PRKN: variants seen among roughly 807,000 people sequenced by gnomAD.
PRKN encodes the protein parkin RBR E3 ubiquitin protein ligase.
PRKN carries 56 observed loss-of-function variants against 59.5 expected under a neutral mutation model. The ratio of observed to expected loss-of-function variants is 0.94; its 90% CI spans 0.76 to 1.18. PRKN has a LOEUF of 1.18. Ranked by LOEUF, PRKN falls within the 50% of genes most tolerant of loss-of-function variation. The pLI is 0.00. For synonymous variants in PRKN, 250 were observed against 222.1 expected (o/e 1.13, Z -1.12); for missense variants, 657 against 596.4 (o/e 1.10, Z -1.06).
rs1780448306 is a variant in PRKN at position 162,111,713 on chromosome 6, A to G, written c.535-57539T>C. On this transcript the variant is annotated intron_variant, in intron 4 of 11. Coordinates refer to ENST00000366898, the MANE Select transcript of PRKN (RefSeq NM_004562.3). The stretch of plus-strand genomic sequence containing the variant: ...TTCTACAGTCTCACAATTAAAAAAA[A>G]AAAGGTGGAGAAAAATTTTCCTGGA... Among the ~76,000 whole-genome samples the G allele has an allele frequency of 3.3e-5, 5 of 152,042 alleles. No homozygotes were observed. The South Asian group carries it at 6.2e-4, about 19-fold the overall frequency.
At chr6:161,542,133 T>C (rs1779637194) in intron 9 of PRKN, among the ~76,000 whole-genome samples, 1 of 152,244 alleles carries the variant, frequency 6.6e-6, no homozygotes, top group Non-Finnish European at 1.5e-5. Context: ...AAATACATTT[T>C]CTCTTCCTTA....
At chr6:161,425,068 T>A (rs1050545419) in intron 9 of PRKN, among the ~76,000 whole-genome samples, 1 of 151,686 alleles carries the variant, frequency 6.6e-6, no homozygotes, top group African/African-American at 2.4e-5. Flanking sequence ...GAGAACCCAA[T>A]GTTTATTGAG....
intron 1 of PRKN, among the ~76,000 whole-genome samples, chr6:162,585,826 T>C (rs1317167256): frequency 4.6e-5 from 7 of 151,946 alleles, no homozygotes; most frequent in Non-Finnish European, 8.8e-5. Context: ...CTCAGCCTCC[T>C]GAATAGCTGG....
chr6:162,438,042 A>G (rs939485945), intron 2 of PRKN, among the ~76,000 whole-genome samples: 5 of 152,186 alleles, frequency 3.3e-5, no homozygotes, highest in African/African-American at 1.2e-4. Flanking sequence ...TATTCCCAGT[A>G]GCAATTTGCG....
At chr6:161,853,091 T>TA (rs1375328930) in intron 6 of PRKN, among the ~76,000 whole-genome samples, 1 of 152,204 alleles carries the variant, frequency 6.6e-6, no homozygotes, top group Non-Finnish European at 1.5e-5. Context: ...AAAATCACTT[T>TA]ATTATATTGC....
chr6:161,696,798 C>T (rs991056337), intron 7 of PRKN, among the ~76,000 whole-genome samples: 2 of 152,164 alleles, frequency 1.3e-5, no homozygotes, highest in Non-Finnish European at 2.9e-5. Flanking sequence ...CACACAAATG[C>T]ACTACTACTT....
In PRKN at chr6:161,601,683, C is replaced by T. The variant is rs192104600; in HGVS notation, c.872-32267G>A. On this transcript the variant is annotated intron_variant, in intron 7 of 11. Coordinates refer to ENST00000366898, the MANE Select transcript of PRKN (RefSeq NM_004562.3). ...CTGCAAGCTCCGCCTCCCAGGTTCA[C>T]GCCATTCTCCTGCCTCAGCCTCCCG... 6.2e-3 allele frequency among the ~76,000 whole-genome samples: 941 copies of T among 151,206 alleles called. 12 individuals are homozygous for T. Among genetic ancestry groups the T allele is most frequent in the African/African-American group, 0.022 (898 of 41,200 alleles).
chr6:162,291,220 A>C (rs1482411401), intron 2 of PRKN, among the ~76,000 whole-genome samples: 1 of 152,114 alleles, frequency 6.6e-6, no homozygotes, highest in Non-Finnish European at 1.5e-5. Context: ...TGGACACTAA[A>C]ATGCAGCTGG....
intron 6 of PRKN, among the ~76,000 whole-genome samples, chr6:161,789,688 A>G (rs979278957): frequency 1.3e-5 from 2 of 152,192 alleles, no homozygotes; most frequent in African/African-American, 4.8e-5. Context: ...AAAGTGTTTC[A>G]TATACTCCTT....
At chr6:161,481,498 G>A (rs1013483478) in intron 9 of PRKN, among the ~76,000 whole-genome samples, 6 of 152,064 alleles carry the variant, frequency 3.9e-5, no homozygotes, top group Non-Finnish European at 7.4e-5. Flanking sequence ...CAGCTACTCC[G>A]GAGGCTGAGG....
In PRKN at chr6:162,284,215, CTTTTT is replaced by C. The variant is rs35609309; in HGVS notation, c.172-21455_172-21451del. ...TATTTATGTATTGTGTTATTTCTTTCTTTTTTTTTTTTTTTTTTTTTTTTTTGAGA... is the reference window on the plus strand; with the variant it reads ...TATTTATGTATTGTGTTATTTCTTTCTTTTTTTTTTTTTTTTTTTTTGAGA... On this transcript the variant is annotated intron_variant, in intron 2 of 11. Coordinates refer to ENST00000366898, the MANE Select transcript of PRKN (RefSeq NM_004562.3). 7.4e-4 allele frequency among the ~76,000 whole-genome samples: 56 copies of C among 75,670 alleles called. 1 individual carries two copies. The South Asian group carries it at 0.017, about 23-fold the overall frequency. 49.6% of individuals were successfully genotyped at this position (75,670 alleles called of 152,430 possible). A position where few individuals can be genotyped will look rare whatever the true frequency, so the allele number is the denominator to read the frequency against.
chr6:162,049,183 A>G (rs113446424), intron 5 of PRKN, among the ~76,000 whole-genome samples: 2,682 of 152,142 alleles, frequency 0.018, 63 homozygotes, highest in African/African-American at 0.062. Context: ...GGGTATAAAT[A>G]TTAATTAATT....
intron 4 of PRKN, among the ~76,000 whole-genome samples, chr6:162,105,021 GC>G (rs1780131165): frequency 6.6e-6 from 1 of 152,124 alleles, no homozygotes; most frequent in East Asian, 1.9e-4. Context: ...ATCTATGGAG[GC>G]ATAGCTTACG....
Position 161,352,280 on chromosome 6 carries a change from G to T in PRKN, c.1286-2069C>A, listed in dbSNP as rs1784579265. Among the ~76,000 whole-genome samples the T allele has an allele frequency of 6.6e-6, 1 of 152,112 alleles. No individual in the cohort carries two copies. Among genetic ancestry groups the T allele is most frequent in the Non-Finnish European group, 1.5e-5 (1 of 68,032 alleles). On this transcript the variant is annotated intron_variant, in intron 11 of 11. Coordinates refer to ENST00000366898, the MANE Select transcript of PRKN (RefSeq NM_004562.3). This position sits in a 1 kb window ranked among gnomAD's most constrained non-coding sequence, Gnocchi z 5.8. ...ATTTAAAATATTTATGAATATATAG[G>T]AATAGGCATTTGTTTTAAGATAACT...
chr6:162,646,835 G>A (rs1778205517), intron 1 of PRKN, among the ~76,000 whole-genome samples: 1 of 152,104 alleles, frequency 6.6e-6, no homozygotes, highest in African/African-American at 2.4e-5. Context: ...AAGTATTTGT[G>A]TACCTAAACA....
intron 4 of PRKN, among the ~76,000 whole-genome samples, chr6:162,163,593 A>C (rs1406661367): frequency 6.7e-6 from 1 of 149,294 alleles, no homozygotes; most frequent in Non-Finnish European, 1.5e-5. Flanking sequence ...CTGTATGAGA[A>C]CAGCCAGAAA....
chr6:161,806,377 G>A (rs575997423), intron 6 of PRKN, among the ~76,000 whole-genome samples: 9 of 152,280 alleles, frequency 5.9e-5, no homozygotes, highest in South Asian at 2.1e-4. Flanking sequence ...GTTTGGACTC[G>A]AAAGCACCCG....
At chr6:162,468,388 AT>A (rs1791541104) in intron 1 of PRKN, among the ~76,000 whole-genome samples, 2 of 152,212 alleles carry the variant, frequency 1.3e-5, no homozygotes, top group South Asian at 4.1e-4. Context: ...TGAGAGAAAA[AT>A]GAATTCATTT....
chr6:161,703,266 C>T (rs1373689229), intron 7 of PRKN, among the ~76,000 whole-genome samples: 2 of 152,030 alleles, frequency 1.3e-5, no homozygotes, highest in Non-Finnish European at 2.9e-5. Flanking sequence ...ATCACTCCAG[C>T]CAGGGCAATG....
Sources: allele counts gnomAD v4.1 joint callset (sites outside exome capture counted in the v4.1 genomes callset), GRCh38; gene constraint gnomAD v4.1.1; non-coding constraint Gnocchi (gnomAD v3.1); transcripts MANE v1.5; gene names NCBI Gene and HGNC (gene_info 2026-07-23, HGNC 2026-07-21).